Variants in NINJ2 observed in about 807,000 individuals in gnomAD.
NINJ2 encodes the protein ninjurin-2.
In NINJ2, 12 loss-of-function variants were observed where a neutral mutation model predicts 11.7. The ratio of observed to expected loss-of-function variants is 1.02; its 90% CI spans 0.66 to 1.66. The LOEUF (loss-of-function observed/expected upper bound fraction) is 1.66, where lower values mean the gene tolerates loss of function less well. NINJ2 is among the 40% of genes most tolerant of loss of function. The probability of loss-of-function intolerance (pLI) is 0.00; values close to 1 mark genes in which losing one functional copy is unlikely to be tolerated. For missense variants in NINJ2, 187 were observed against 181.8 expected, an observed-to-expected ratio of 1.03 and a Z score of -0.16; for synonymous variants, 93 against 76.8, an observed-to-expected ratio of 1.21 and a Z score of -1.10.
intron 1 of NINJ2, among the ~76,000 whole-genome samples, chr12:592,475 C>T (rs1417012945): frequency 6.6e-6 from 1 of 152,130 alleles, no homozygotes; most frequent in Non-Finnish European, 1.5e-5. Flanking sequence ...TCGAGGCTGG[C>T]GGATCACTTG....
chr12:617,577 G>T (rs1367134561), intron 1 of NINJ2, among the ~76,000 whole-genome samples: 1 of 152,170 alleles, frequency 6.6e-6, no homozygotes, highest in Admixed American at 6.5e-5. Context: ...GGGATAAAAG[G>T]CTCAGGCTGC....
intron 1 of NINJ2, among the ~76,000 whole-genome samples, chr12:642,186 A>G (rs1456782709): frequency 6.6e-6 from 1 of 152,234 alleles, no homozygotes; most frequent in African/African-American, 2.4e-5. Context: ...GCCCTAAAAA[A>G]TCAGAGAGGA....
chr12:582,527 A>T (rs879100423), intron 1 of NINJ2, among the ~76,000 whole-genome samples: 1 of 70,570 alleles, frequency 1.4e-5, no homozygotes. Flanking sequence ...GAATGAATGG[A>T]CGCAGGCAGG....
chr12:643,334 C>A (rs1937623710), intron 1 of NINJ2: 2 of 678,200 alleles, frequency 2.9e-6, no homozygotes, highest in African/African-American at 2.0e-5. Flanking sequence ...CGCAGCCCCG[C>A]GCCGGGTGGG....
rs754109172 is a variant in NINJ2, at chr12:580,597, A to AT, written c.34-14420_34-14419insA. Among the ~76,000 whole-genome samples the AT allele has an allele frequency of 1.1e-4, 13 of 122,516 alleles. 1 individual carries two copies. In the South Asian group the frequency reaches 2.0e-3, roughly 19 times the overall value. The allele number at this position is 122,516 out of a possible 152,430, so 80.4% of individuals were successfully genotyped here. A position where few individuals can be genotyped will look rare whatever the true frequency, so the allele number is the denominator to read the frequency against. On this transcript the variant is annotated intron_variant, in intron 1 of 3. Coordinates refer to ENST00000305108, the MANE Select transcript of NINJ2 (RefSeq NM_016533.6). This position sits in a 1 kb window ranked among gnomAD's most constrained non-coding sequence, Gnocchi z 4.7. ...GAGAGACCCTGTCTCAAAAAAAAAA[A>AT]AATATATATATATATATATCCATTT...
At chr12:604,444 C>T (rs183539093) in intron 1 of NINJ2, among the ~76,000 whole-genome samples, 1 of 152,118 alleles carries the variant, frequency 6.6e-6, no homozygotes, top group East Asian at 1.9e-4. Context: ...TCGAGACGAG[C>T]CTGGTCAACA....
At chr12:600,366 A>C (rs1947850210) in intron 1 of NINJ2, among the ~76,000 whole-genome samples, 1 of 152,096 alleles carries the variant, frequency 6.6e-6, no homozygotes, top group South Asian at 2.1e-4. Context: ...CAGCCTGTGC[A>C]ACATGGTGAA....
At chr12:616,189 G>A (rs945060700) in intron 1 of NINJ2, among the ~76,000 whole-genome samples, 1 of 152,206 alleles carries the variant, frequency 6.6e-6, no homozygotes, top group Admixed American at 6.5e-5. Flanking sequence ...CTATAGTCAG[G>A]AAAACTCCAG....
In NINJ2 at chr12:618,383, G is replaced by C. The variant is rs558220740; in HGVS notation, c.33+44945C>G. Reference sequence around the variant, plus strand: ...GTTGGTAATGAGGTGGGGGTGAGGGGGGAGTGTTGAGAAGGCAGTATGCCA... The same window carrying C: ...GTTGGTAATGAGGTGGGGGTGAGGGCGGAGTGTTGAGAAGGCAGTATGCCA... On this transcript the variant is annotated intron_variant, in intron 1 of 3. Coordinates refer to ENST00000305108, the MANE Select transcript of NINJ2 (RefSeq NM_016533.6). 6.7e-4 allele frequency among the ~76,000 whole-genome samples: 100 copies of C among 149,894 alleles called. 2 individuals carry two copies. The highest frequency in any genetic ancestry group is 4.8e-3 in the Admixed American group (71 of 14,802).
chr12:658,867 G>A (rs4980842), intron 1 of NINJ2, among the ~76,000 whole-genome samples: 144,219 of 151,862 alleles, frequency 0.95, 68,949 homozygotes, highest in East Asian at 1. Flanking sequence ...AAGGCTCATC[G>A]GTTGTAAAAA....
At chr12:658,920 C>T (rs977882044) in intron 1 of NINJ2, among the ~76,000 whole-genome samples, 9 of 151,796 alleles carry the variant, frequency 5.9e-5, no homozygotes, top group African/African-American at 1.9e-4. Context: ...AATGGGGAGT[C>T]TATGCATGTG....
chr12:629,896 A>AAAAAAAAAAATATAT, intron 1 of NINJ2, among the ~76,000 whole-genome samples: 4 of 9,902 alleles, frequency 4.0e-4, no homozygotes, highest in Non-Finnish European at 9.4e-4. Context: ...AAAAAAAAAA[A>AAAAAAAAAAATATAT]ATATATATAT....
intron 1 of NINJ2, among the ~76,000 whole-genome samples, chr12:653,328 T>C (rs1014573062): frequency 2.0e-5 from 3 of 152,194 alleles, no homozygotes; most frequent in Admixed American, 6.5e-5. Context: ...TTATACTTAA[T>C]TGATCTAACA....
rs572517905 is a variant in NINJ2 at position 656,315 on chromosome 12, G to T, written c.33+7013C>A. On this transcript the variant is annotated intron_variant, in intron 1 of 3. Coordinates refer to ENST00000305108, the MANE Select transcript of NINJ2 (RefSeq NM_016533.6). ...GGAGGCGGAGGTTGCAGTGAGCCAAGATTACGTCACTGCACTCCAGCCTGG... is the reference window on the plus strand; with the variant it reads ...GGAGGCGGAGGTTGCAGTGAGCCAATATTACGTCACTGCACTCCAGCCTGG... 1.9e-3 allele frequency among the ~76,000 whole-genome samples: 286 copies of T among 152,136 alleles called. 1 individual carries two copies. The highest frequency in any genetic ancestry group is 6.6e-3 in the African/African-American group (275 of 41,498).
chr12:636,629 G>T (rs552878552), intron 1 of NINJ2, among the ~76,000 whole-genome samples: 1 of 152,076 alleles, frequency 6.6e-6, no homozygotes, highest in African/African-American at 2.4e-5. Context: ...CATGAAAAAA[G>T]GCTCAATGTC....
At chr12:638,506 C>T (rs901936538) in intron 1 of NINJ2, among the ~76,000 whole-genome samples, 20 of 152,232 alleles carry the variant, frequency 1.3e-4, no homozygotes, top group Non-Finnish European at 2.5e-4. Flanking sequence ...AGCTCCGCCT[C>T]CCAGGTTCAC....
intron 1 of NINJ2, among the ~76,000 whole-genome samples, chr12:631,855 G>C (rs1948286327): frequency 2.0e-5 from 3 of 152,232 alleles, no homozygotes; most frequent in African/African-American, 7.2e-5. Flanking sequence ...TGGAAGGCTA[G>C]ATTTAGGTAT....
chr12:577,247 C>T (rs921762238), intron 1 of NINJ2, among the ~76,000 whole-genome samples: 30 of 151,428 alleles, frequency 2.0e-4, no homozygotes, highest in African/African-American at 6.6e-4. Context: ...TGATGTTGCC[C>T]AGCAGTAGGC....
chr12:606,451 A>G (rs1393446013), intron 1 of NINJ2, among the ~76,000 whole-genome samples: 3 of 152,222 alleles, frequency 2.0e-5, no homozygotes, highest in Non-Finnish European at 4.4e-5. Flanking sequence ...TTAAATAAAC[A>G]ATTCAGATGT....
Sources: allele counts gnomAD v4.1 joint callset (sites outside exome capture counted in the v4.1 genomes callset), GRCh38; gene constraint gnomAD v4.1.1; non-coding constraint Gnocchi (gnomAD v3.1); transcripts MANE v1.5; gene names NCBI Gene and HGNC (gene_info 2026-07-23, HGNC 2026-07-21).